Variants in RNF111 observed in about 807,000 individuals in gnomAD.
RNF111 encodes ring finger protein 111, also known as E3 ubiquitin-protein ligase Arkadia.
RNF111 carries 17 observed loss-of-function variants against 95.1 expected under a neutral mutation model. The observed-to-expected ratio is 0.18, with a 90% CI of 0.12 to 0.27. RNF111 has a LOEUF of 0.27. Among genes scored for constraint, RNF111 ranks in the 10% least tolerant of loss-of-function variants. The probability of loss-of-function intolerance (pLI) is 1.00; values close to 1 mark genes in which losing one functional copy is unlikely to be tolerated. For synonymous variants in RNF111, 440 were observed against 414.8 expected (o/e 1.06, Z -0.74); for missense variants, 1,189 against 1,210.4 (o/e 0.98, Z 0.26).
intron 3 of RNF111, among the ~76,000 whole-genome samples, chr15:59,054,829 A>G (rs573965352): frequency 4.2e-4 from 64 of 152,292 alleles, no homozygotes; most frequent in Admixed American, 4.6e-4. Flanking sequence ...AATGCTGACA[A>G]TAAGGTTATA....
intron 1 of RNF111, among the ~76,000 whole-genome samples, chr15:59,014,983 A>AGGCCATCTGCCTGCCTTGGCCTCC (rs1376185153): frequency 1.3e-5 from 2 of 152,172 alleles, no homozygotes; most frequent in African/African-American, 4.8e-5. Context: ...TCCTGGCCTC[A>AGGCCATCTGCCTGCCTTGGCCTCC]GGCCATCTGC....
intron 1 of RNF111, among the ~76,000 whole-genome samples, chr15:59,024,142 T>G (rs1567220204): frequency 6.6e-6 from 1 of 152,152 alleles, no homozygotes; most frequent in Non-Finnish European, 1.5e-5. Flanking sequence ...AATAGTAAAT[T>G]TTCAAGAAAT....
At chr15:59,063,667 G>C (rs1305794225) in intron 5 of RNF111, among the ~76,000 whole-genome samples, 1 of 152,206 alleles carries the variant, frequency 6.6e-6, no homozygotes, top group Non-Finnish European at 1.5e-5. Context: ...ATGCAAGCCT[G>C]TTTGAGAAAC....
At chr15:59,005,687 G>A (rs2039510362) in intron 1 of RNF111, among the ~76,000 whole-genome samples, 1 of 152,084 alleles carries the variant, frequency 6.6e-6, no homozygotes, top group Admixed American at 6.6e-5. Context: ...AAAAATGTAT[G>A]TATATGTATA....
chr15:59,085,903 T>G, intron 10 of RNF111, 118 bp downstream of exon 10: 1 of 896,526 alleles, frequency 1.1e-6, no homozygotes, highest in South Asian at 1.8e-5. Flanking sequence ...AGAGTAATCT[T>G]GTTAGCTAAA....
intron 1 of RNF111, among the ~76,000 whole-genome samples, chr15:59,004,974 T>C (rs2039474167): frequency 6.6e-6 from 1 of 152,226 alleles, no homozygotes; most frequent in African/African-American, 2.4e-5. Context: ...TATTTTGTGT[T>C]GATTCTAGGC....
intron 1 of RNF111, among the ~76,000 whole-genome samples, chr15:59,014,758 C>CTT (rs1235678150): frequency 5.7e-5 from 8 of 140,576 alleles, no homozygotes; most frequent in African/African-American, 1.0e-4. Flanking sequence ...GAATTGCAGA[C>CTT]TTTTTTTTTT....
chr15:59,074,391 C>G (rs1195854208), intron 6 of RNF111, among the ~76,000 whole-genome samples: 1 of 152,232 alleles, frequency 6.6e-6, no homozygotes, highest in Non-Finnish European at 1.5e-5. Context: ...CACTGTAGCA[C>G]TTTCCATAAA....
At chr15:59,040,648 C>T (rs1046292956) in intron 2 of RNF111, among the ~76,000 whole-genome samples, 4 of 152,114 alleles carry the variant, frequency 2.6e-5, no homozygotes, top group African/African-American at 9.7e-5. Flanking sequence ...GCCATAAATA[C>T]GTACACATAA....
At chr15:59,061,477 TCAAAA>T (rs2042436219) in intron 5 of RNF111, among the ~76,000 whole-genome samples, 1 of 152,206 alleles carries the variant, frequency 6.6e-6, no homozygotes, top group Non-Finnish European at 1.5e-5. Flanking sequence ...AGTGCCTATT[TCAAAA>T]CACTCTCCTT....
intron 3 of RNF111, among the ~76,000 whole-genome samples, chr15:59,054,911 A>AT (rs1252376574): frequency 2.0e-5 from 3 of 152,112 alleles, no homozygotes; most frequent in African/African-American, 7.2e-5. Flanking sequence ...TAAAAGATTT[A>AT]TTTTTTTATC....
At chr15:59,003,899 A>G (rs2039430183) in intron 1 of RNF111, 1 of 157,176 alleles carries the variant, frequency 6.4e-6, no homozygotes, top group Non-Finnish European at 1.4e-5. Flanking sequence ...AGTGATAGCT[A>G]ATGTATTGTC....
chr15:59,093,613 C>T (rs2079118621), intron 13 of RNF111: 1 of 226,932 alleles, frequency 4.4e-6, no homozygotes, highest in Non-Finnish European at 9.1e-6. Context: ...AATATGTTAA[C>T]CCTATATTAA....
intron 7 of RNF111, among the ~76,000 whole-genome samples, chr15:59,077,257 C>A (rs1596288142): frequency 1.3e-5 from 2 of 152,018 alleles, no homozygotes; most frequent in South Asian, 4.2e-4. Flanking sequence ...AATTTTCTGC[C>A]CCTCCCCTTT....
At chr15:59,078,411 T>G (rs1308187147) in intron 7 of RNF111, among the ~76,000 whole-genome samples, 1 of 152,140 alleles carries the variant, frequency 6.6e-6, no homozygotes, top group African/African-American at 2.4e-5. Context: ...CTTGGTAGTA[T>G]GAGCATGTAG....
intron 5 of RNF111, among the ~76,000 whole-genome samples, chr15:59,063,484 G>A (rs1292324004): frequency 6.6e-6 from 1 of 152,118 alleles, no homozygotes; most frequent in Non-Finnish European, 1.5e-5. Flanking sequence ...TTTCCCTAAT[G>A]CAGGTTCATG....
intron 5 of RNF111, among the ~76,000 whole-genome samples, chr15:59,059,852 A>T (rs184221229): frequency 5.7e-4 from 87 of 152,328 alleles, no homozygotes; most frequent in Non-Finnish European, 1.1e-3. Flanking sequence ...TAGCTTGTGG[A>T]TTGACTAAAT....
intron 1 of RNF111, among the ~76,000 whole-genome samples, chr15:59,022,151 C>T (rs987162977): frequency 2.6e-5 from 4 of 152,126 alleles, no homozygotes; most frequent in Admixed American, 6.6e-5. Context: ...TGAGCCACCA[C>T]GCCTGGCCAA....
chr15:59,046,586 T>A (rs1238609742), intron 2 of RNF111, among the ~76,000 whole-genome samples: 1 of 152,164 alleles, frequency 6.6e-6, no homozygotes, highest in African/African-American at 2.4e-5. Context: ...ACAAAGTAGA[T>A]CATAGACCTA....
Sources: allele counts gnomAD v4.1 joint callset (sites outside exome capture counted in the v4.1 genomes callset), GRCh38; gene constraint gnomAD v4.1.1; transcripts MANE v1.5; gene names NCBI Gene and HGNC (gene_info 2026-07-23, HGNC 2026-07-21).